MAMLD1: variants seen among roughly 807,000 people sequenced by gnomAD.
The protein encoded by MAMLD1 is mastermind-like domain-containing protein 1.
MAMLD1 carries 14 observed loss-of-function variants against 45.0 expected under a neutral mutation model. The ratio of observed to expected loss-of-function variants is 0.31; its 90% CI spans 0.21 to 0.49. The LOEUF (loss-of-function observed/expected upper bound fraction) is 0.49, where lower values mean the gene tolerates loss of function less well. Among genes scored for constraint, MAMLD1 ranks in the 20% least tolerant of loss-of-function variants. The pLI is 0.99. For synonymous variants in MAMLD1, 254 were observed against 247.8 expected (o/e 1.02, Z -0.24); for missense variants, 543 against 603.6 (o/e 0.90, Z 1.05).
chrX:150,427,722 C>T (rs782608641), intron 1 of MAMLD1, among the ~76,000 whole-genome samples: 18 of 112,042 alleles, frequency 1.6e-4, no homozygotes, highest in Non-Finnish European at 3.2e-4. Context: ...CACCTTTGGA[C>T]GTTCCAGGCT....
In MAMLD1 at chrX:150,475,170, CTG is replaced by C. The variant is rs782802039; in HGVS notation, c.2040+1369_2040+1370del. On this transcript the variant is annotated intron_variant, in intron 5 of 7. Transcript: ENST00000370401. Reference sequence around the variant, plus strand: ...GACGATAATGGTTACCATGGAAAAACTGGACATTCATTTGAATCTGGATCTTT... The same window carrying C: ...GACGATAATGGTTACCATGGAAAAACGACATTCATTTGAATCTGGATCTTT... 5.4e-5 allele frequency among the ~76,000 whole-genome samples: 6 copies of C among 110,957 alleles called. No individual in the cohort carries two copies. In the South Asian group the frequency reaches 2.3e-3, roughly 43 times the overall value.
At position 150,470,658 on chromosome X, in the gene MAMLD1, C is replaced by G; in HGVS notation, c.1085C>G (p.Pro362Arg). 1 of 1,211,949 alleles carries G rather than the reference C, an allele frequency of 8.3e-7. No individual in the cohort carries two copies. Among genetic ancestry groups the G allele is most frequent in the Non-Finnish European group, 1.1e-6 (1 of 895,549 alleles). The part of the protein sequence containing the change: ...PLPPPPPPFS[P>R]QSLMVSCMSS... Reference sequence around the variant, plus strand: ...CCACCACCACCACCCCCATTCAGCCCCCAGAGCCTCATGGTGTCCTGCATG... The same window carrying G: ...CCACCACCACCACCCCCATTCAGCCGCCAGAGCCTCATGGTGTCCTGCATG... Residue 362 changes from proline (P) to arginine (R), a missense_variant, in exon 4 of 8, where the codon CCC becomes CGC. By Grantham distance (103) the Pro-to-Arg change is moderately radical. Coordinates refer to ENST00000370401, the MANE Select transcript of MAMLD1 (RefSeq NM_005491.5).
In MAMLD1 at chrX:150,419,073, A is replaced by G. The variant is rs782805343; in HGVS notation, c.-63-26381A>G. Among the ~76,000 whole-genome samples, 239 of 69,898 alleles carry G rather than the reference A, an allele frequency of 3.4e-3. 1 individual carries two copies. The highest frequency in any genetic ancestry group is 5.9e-3 in the Non-Finnish European group (216 of 36,527). The allele number at this position is 69,898 out of a possible 115,157, so 60.7% of individuals were successfully genotyped here. A position where few individuals can be genotyped will look rare whatever the true frequency, so the allele number is the denominator to read the frequency against. ...TCCCATTATTAATGTGTGGGAGTCT[A>G]AGTCTCTTTGTAGGTCACTCAGGAC... On this transcript the variant is annotated intron_variant, in intron 1 of 7. Coordinates refer to ENST00000370401, the MANE Select transcript of MAMLD1 (RefSeq NM_005491.5).
chrX:150,450,880 G>A (rs2035641567), intron 2 of MAMLD1, among the ~76,000 whole-genome samples: 1 of 112,668 alleles, frequency 8.9e-6, no homozygotes, highest in East Asian at 2.8e-4. Flanking sequence ...TCTACTTTGG[G>A]GATCCTCCCC....
At chrX:150,402,198 C>G (rs1557402470) in intron 1 of MAMLD1, among the ~76,000 whole-genome samples, 1 of 110,594 alleles carries the variant, frequency 9.0e-6, no homozygotes, top group Non-Finnish European at 1.9e-5. Flanking sequence ...TATCCAGAAT[C>G]TACAATGAAC....
rs188327499 is a variant in MAMLD1 at position 150,438,549 on chromosome X, T to A, written c.-63-6905T>A. On this transcript the variant is annotated intron_variant, in intron 1 of 7. Transcript: ENST00000370401. Reference sequence around the variant, plus strand: ...CCTCAGTTCGTGGCAACCACCAATCTGCTTTCTGTCTCTATGGATTTACCT... The same window carrying A: ...CCTCAGTTCGTGGCAACCACCAATCAGCTTTCTGTCTCTATGGATTTACCT... 5.8e-3 allele frequency among the ~76,000 whole-genome samples: 650 copies of A among 112,352 alleles called. 3 individuals are homozygous for A. Among genetic ancestry groups the A allele is most frequent in the African/African-American group, 0.02 (620 of 30,965 alleles).
At chrX:150,465,308 G>T (rs781972707) in intron 3 of MAMLD1, among the ~76,000 whole-genome samples, 1 of 111,904 alleles carries the variant, frequency 8.9e-6, no homozygotes, top group Non-Finnish European at 1.9e-5. Flanking sequence ...TGTCATTCTG[G>T]ACTAGAACTA....
intron 6 of MAMLD1, chrX:150,504,848 C>A: frequency 1.3e-6 from 1 of 754,328 alleles, no homozygotes; most frequent in Non-Finnish European, 1.6e-6. Flanking sequence ...GAGGGTCAGG[C>A]CTGGCATCCA....
rs1231060506 is a variant in MAMLD1, at chrX:150,460,009, A to G, written c.97-2763A>G. On this transcript the variant is annotated intron_variant, in intron 2 of 7. Transcript: ENST00000370401. ...CAGGCATCTCTGTTCTTCATTTCTAAGATGAGGATGATAATGGGAATATCT... is the reference window on the plus strand; with the variant it reads ...CAGGCATCTCTGTTCTTCATTTCTAGGATGAGGATGATAATGGGAATATCT... Among the ~76,000 whole-genome samples the G allele has an allele frequency of 3.6e-5, 4 of 112,395 alleles. No individual in the cohort carries two copies. In the Admixed American group the frequency reaches 3.8e-4, roughly 11 times the overall value.
At chrX:150,401,979 C>T in intron 1 of MAMLD1, among the ~76,000 whole-genome samples, 1 of 111,640 alleles carries the variant, frequency 9.0e-6, no homozygotes, top group Middle Eastern at 4.6e-3. Context: ...TAGAAGAAAA[C>T]CTAGGCATTA....
chrX:150,398,319 A>AGAG (rs2033568882), intron 1 of MAMLD1, among the ~76,000 whole-genome samples: 2 of 94,500 alleles, frequency 2.1e-5, no homozygotes, highest in African/African-American at 7.9e-5. Flanking sequence ...AAGAAGAAGA[A>AGAG]GAAGAAGAAG....
At chrX:150,385,277 T>TAC (rs3066918) in intron 1 of MAMLD1, among the ~76,000 whole-genome samples, 4,475 of 93,892 alleles carry the variant, frequency 0.048, 160 homozygotes, top group African/African-American at 0.12. Flanking sequence ...TGAACAATAC[T>TAC]ACACACACAC....
In MAMLD1 at chrX:150,463,197, C is replaced by G. The variant is rs185775675; in HGVS notation, c.171+351C>G. Among the ~76,000 whole-genome samples the G allele has an allele frequency of 1.2e-3, 132 of 112,415 alleles. No homozygotes were observed. The South Asian group carries it at 0.014, about 12-fold the overall frequency. On this transcript the variant is annotated intron_variant, in intron 3 of 7. Transcript: ENST00000370401. The stretch of plus-strand genomic sequence containing the variant: ...CCTTTAGCTTCTATTACAGCTACCT[C>G]AGGCAGCACCTACTTCCTCTATAGA...
intron 2 of MAMLD1, among the ~76,000 whole-genome samples, chrX:150,454,314 C>G (rs1416984706): frequency 8.9e-6 from 1 of 112,297 alleles, no homozygotes; most frequent in Non-Finnish European, 1.9e-5. Flanking sequence ...CAAACACCAA[C>G]TCCCAACATC....
At chrX:150,384,303 G>A (rs1316768178) in intron 1 of MAMLD1, among the ~76,000 whole-genome samples, 1 of 111,873 alleles carries the variant, frequency 8.9e-6, no homozygotes, top group Non-Finnish European at 1.9e-5. Flanking sequence ...TATTATGGCT[G>A]TTCTAGTGAG....
chrX:150,470,245 G>T lies in MAMLD1; in HGVS notation c.672G>T (p.Ser224=). The T allele has an allele frequency of 2.5e-6, 3 of 1,211,429 alleles. No homozygotes were observed. Among genetic ancestry groups the T allele is most frequent in the Non-Finnish European group, 3.4e-6 (3 of 895,265 alleles). ...CCCTAAGCACAACTCCCAAGCCTTC[G>T]GTTCAGATGTCACACTTGGAGAGCC... ...QATLSTTPKP[S]VQMSHLESLA... is the part of the protein sequence containing the mutation. Residue 224 remains serine (S), a synonymous_variant, in exon 4 of 8, where the codon TCG becomes TCT. Transcript: ENST00000370401.
intron 2 of MAMLD1, among the ~76,000 whole-genome samples, chrX:150,446,528 C>G (rs2035492355): frequency 8.9e-6 from 1 of 112,550 alleles, no homozygotes; most frequent in African/African-American, 3.2e-5. Flanking sequence ...GATATGTGCA[C>G]AGATGTGGAT....
At chrX:150,387,007 T>C (rs1557402077) in intron 1 of MAMLD1, among the ~76,000 whole-genome samples, 1 of 111,715 alleles carries the variant, frequency 9.0e-6, no homozygotes. Flanking sequence ...AAATGATTTA[T>C]GTAAAAGAGA....
intron 5 of MAMLD1, among the ~76,000 whole-genome samples, chrX:150,485,568 T>C (rs782381542): frequency 8.9e-6 from 1 of 112,029 alleles, no homozygotes; most frequent in East Asian, 2.8e-4. Context: ...CCATTTTAAA[T>C]CATCAATTAT....
Sources: gnomAD v4.1 joint callset for allele counts (sites outside exome capture counted in the v4.1 genomes callset) on GRCh38, gnomAD v4.1.1 for gene constraint, MANE v1.5 for transcripts, NCBI Gene and HGNC (gene_info 2026-07-23, HGNC 2026-07-21) for gene names.